The following PCOLCE2 variants were observed in gnomAD, a reference collection of about 807,000 sequenced individuals.
PCOLCE2 encodes the protein procollagen C-proteinase enhancer 2.
Under a neutral mutation model 47.0 loss-of-function variants are expected in PCOLCE2, and 42 were observed. The observed-to-expected ratio is 0.89, with a 90% CI of 0.70 to 1.16. The LOEUF (loss-of-function observed/expected upper bound fraction) is 1.16, where lower values mean the gene tolerates loss of function less well. Ranked by LOEUF, PCOLCE2 falls within the 50% of genes most tolerant of loss-of-function variation. PCOLCE2 has a pLI of 0.00. For missense variants in PCOLCE2, 500 were observed against 526.1 expected (o/e 0.95, Z 0.49); for synonymous variants, 169 against 191.7 (o/e 0.88, Z 0.98).
intron 2 of PCOLCE2, among the ~76,000 whole-genome samples, chr3:142,849,191 G>A (rs1937363937): frequency 6.6e-6 from 1 of 152,048 alleles, no homozygotes; most frequent in African/African-American, 2.4e-5. Flanking sequence ...AATACAGTAG[G>A]ACGCATTCAA....
In PCOLCE2 at chr3:142,820,989, CTG is replaced by C. The variant is rs766662938; in HGVS notation, c.1004_1005del (p.Thr335SerfsTer49). 5 of 1,613,952 alleles carry C rather than the reference CTG, an allele frequency of 3.1e-6. No homozygotes were observed. The Admixed American group carries it at 8.3e-5, about 27-fold the overall frequency. On this transcript the variant is annotated frameshift_variant, in exon 8 of 9. Coordinates refer to ENST00000295992, the MANE Select transcript of PCOLCE2 (RefSeq NM_013363.4). LOFTEE classifies it high-confidence loss of function. ...TITRDGSLHATVSIINIYKEG... is the reference protein window; with the variant it reads ...TITRDGSLHAXVSIINIYKEG... ...TCTTTGTAGATGTTGATGATCGAGA[CTG>C]TGGCGTGCAAACTCCCATCGCGAGT...
intron 3 of PCOLCE2, among the ~76,000 whole-genome samples, chr3:142,844,458 A>C (rs1229856760): frequency 6.6e-6 from 1 of 152,176 alleles, no homozygotes; most frequent in Non-Finnish European, 1.5e-5. Flanking sequence ...AGTCGATGTA[A>C]ATATTTAACT....
chr3:142,825,830 ATC>A (rs543554085), intron 6 of PCOLCE2, among the ~76,000 whole-genome samples: 182 of 152,180 alleles, frequency 1.2e-3, no homozygotes, highest in Non-Finnish European at 2.2e-3. Context: ...CTTCAGAGAA[ATC>A]TGTTTTTCCT....
chr3:142,871,379 C>T (rs577706022), intron 2 of PCOLCE2, among the ~76,000 whole-genome samples: 1 of 152,286 alleles, frequency 6.6e-6, no homozygotes, highest in South Asian at 2.1e-4. Flanking sequence ...TCACAGACAC[C>T]TTATGGCACT....
At chr3:142,859,446 T>A (rs889025638) in intron 2 of PCOLCE2, among the ~76,000 whole-genome samples, 2 of 152,122 alleles carry the variant, frequency 1.3e-5, no homozygotes, top group Non-Finnish European at 2.9e-5. Context: ...TATGCAATAA[T>A]CTAAGAAACA....
chr3:142,869,008 T>C (rs1184915976), intron 2 of PCOLCE2, among the ~76,000 whole-genome samples: 1 of 150,596 alleles, frequency 6.6e-6, no homozygotes, highest in Non-Finnish European at 1.5e-5. Context: ...AACAGAGACC[T>C]TGGCCGGGTG....
chr3:142,827,585 T>G, intron 6 of PCOLCE2: 1 of 1,472,832 alleles, frequency 6.8e-7, no homozygotes. Context: ...AATGTTGAGC[T>G]GGGCCTTCTT....
chr3:142,831,530 G>A (rs1209589151), intron 5 of PCOLCE2, among the ~76,000 whole-genome samples: 2 of 152,176 alleles, frequency 1.3e-5, no homozygotes, highest in African/African-American at 4.8e-5. Context: ...GACACTTCCA[G>A]CCACAAAAGT....
At chr3:142,853,140 A>G (rs940941998) in intron 2 of PCOLCE2, among the ~76,000 whole-genome samples, 7 of 151,890 alleles carry the variant, frequency 4.6e-5, no homozygotes, top group Non-Finnish European at 8.8e-5. Context: ...TAATGTTTAC[A>G]TATCACTCCA....
rs182043326 is a variant in PCOLCE2 at position 142,886,316 on chromosome 3, C to T, written c.192+1353G>A. Among the ~76,000 whole-genome samples, 75 of 152,296 alleles carry T rather than the reference C, an allele frequency of 4.9e-4. 1 individual carries two copies. The highest frequency in any genetic ancestry group is 3.4e-3 in the Middle Eastern group (1 of 294). ...CATGAATTTCTACTTGGGCACATGA[C>T]GCCTCTGAGCCATTGATTTTCTAGG... On this transcript the variant is annotated intron_variant, in intron 2 of 8. Transcript: ENST00000295992.
Position 142,842,753 on chromosome 3 carries a change from A to T in PCOLCE2, c.573+171T>A, listed in dbSNP as rs1292656087. 3.3e-5 allele frequency among the ~76,000 whole-genome samples: 5 copies of T among 151,954 alleles called. No homozygotes were observed. Among genetic ancestry groups the T allele is most frequent in the African/African-American group, 9.7e-5 (4 of 41,330 alleles). Reference sequence around the variant, plus strand: ...AAACTCTGTCTCAAAAAAAAAAAAAAATATCTGGGGTCTTCGCATGAAGAA... The same window carrying T: ...AAACTCTGTCTCAAAAAAAAAAAAATATATCTGGGGTCTTCGCATGAAGAA... On this transcript the variant is annotated intron_variant, in intron 4 of 8. Coordinates refer to ENST00000295992, the MANE Select transcript of PCOLCE2 (RefSeq NM_013363.4). The surrounding 1 kb of genome is among the most constrained non-coding windows in gnomAD (Gnocchi z 4.1).
chr3:142,887,726 G>A lies in PCOLCE2; in HGVS notation c.135C>T (p.Gly45=). The A allele has an allele frequency of 6.2e-7, 1 of 1,609,600 alleles. No homozygotes were observed. Among genetic ancestry groups the A allele is most frequent in the Non-Finnish European group, 8.5e-7 (1 of 1,176,060 alleles). Residue 45 remains glycine, a synonymous_variant, in exon 2 of 9, where the codon GGC becomes GGT. Transcript: ENST00000295992. ...GGTACACTCCAGGAAAACCTTCACT[G>A]CCAATAAATCCAGACTCTCCAGTAA... ...GILTGESGFI[G]SEGFPGVYPP...
intron 2 of PCOLCE2, among the ~76,000 whole-genome samples, chr3:142,868,969 C>G (rs1047367603): frequency 9.9e-5 from 15 of 152,144 alleles, no homozygotes; most frequent in African/African-American, 3.6e-4. Context: ...CTTTGGAATC[C>G]AGGCACAGGT....
At chr3:142,834,213 T>C (rs1055752899) in intron 5 of PCOLCE2, among the ~76,000 whole-genome samples, 6 of 152,228 alleles carry the variant, frequency 3.9e-5, no homozygotes, top group African/African-American at 1.4e-4. Context: ...TAAGGTTCCA[T>C]ACATGGTAAA....
At chr3:142,839,612 C>T (rs773429064) in intron 4 of PCOLCE2, among the ~76,000 whole-genome samples, 3 of 152,060 alleles carry the variant, frequency 2.0e-5, no homozygotes, top group East Asian at 1.9e-4. Flanking sequence ...CATGCCCAGC[C>T]GAGAGTAAAT....
At chr3:142,827,851 T>A in intron 6 of PCOLCE2, 1 of 533,418 alleles carries the variant, frequency 1.9e-6, no homozygotes, top group East Asian at 3.3e-5. Context: ...GACAGCCTAA[T>A]TTATAAATCC....
intron 2 of PCOLCE2, among the ~76,000 whole-genome samples, chr3:142,879,356 C>T (rs6789310): frequency 1.2e-4 from 18 of 152,074 alleles, no homozygotes; most frequent in African/African-American, 3.9e-4. Flanking sequence ...ACTAAAAATA[C>T]AAGCAGTACA....
intron 6 of PCOLCE2, chr3:142,827,577 T>G: frequency 6.8e-7 from 1 of 1,472,374 alleles, no homozygotes; most frequent in African/African-American, 1.4e-5. Context: ...ACACTGCCAA[T>G]GTTGAGCTGG....
intron 2 of PCOLCE2, among the ~76,000 whole-genome samples, chr3:142,881,282 G>A (rs1295742216): frequency 6.6e-6 from 1 of 152,142 alleles, no homozygotes; most frequent in Admixed American, 6.6e-5. Flanking sequence ...TAAGACACAA[G>A]TTCTTTAGAC....
Sources: allele counts gnomAD v4.1 joint callset (sites outside exome capture counted in the v4.1 genomes callset), GRCh38; gene constraint gnomAD v4.1.1; non-coding constraint Gnocchi (gnomAD v3.1); transcripts MANE v1.5; gene names NCBI Gene and HGNC (gene_info 2026-07-23, HGNC 2026-07-21).